Variants in DERL1 observed in about 807,000 individuals in gnomAD.
DERL1 encodes derlin 1.
A neutral mutation model predicts 41.6 loss-of-function variants in DERL1; 24 were observed. The ratio of observed to expected loss-of-function variants is 0.58; its 90% CI spans 0.42 to 0.81. The LOEUF is 0.81. DERL1 is among the 30% of genes least tolerant of loss of function. The pLI is 0.00. For missense variants in DERL1, 260 were observed against 314.3 expected (o/e 0.83, Z 1.31); for synonymous variants, 124 against 112.5 (o/e 1.10, Z -0.65).
intron 1 of DERL1, among the ~76,000 whole-genome samples, chr8:123,035,071 A>G (rs1812896552): frequency 6.6e-6 from 1 of 152,214 alleles, no homozygotes; most frequent in Non-Finnish European, 1.5e-5. Context: ...CCATATTCCT[A>G]TAAGTTACTC....
At chr8:123,022,578 G>GC (rs904973654) in intron 5 of DERL1, 106 bp downstream of exon 5, 2 of 1,059,568 alleles carry the variant, frequency 1.9e-6, no homozygotes, top group African/African-American at 3.1e-5. Flanking sequence ...ATGGTACACT[G>GC]CTCTGCAGTG....
chr8:123,022,283 G>A (rs948392842), intron 5 of DERL1, among the ~76,000 whole-genome samples: 3 of 152,212 alleles, frequency 2.0e-5, no homozygotes, highest in African/African-American at 7.2e-5. Context: ...GGAAAATTGT[G>A]AAAGAATGTA....
At chr8:123,024,652 CA>C (rs1195310679) in intron 3 of DERL1, among the ~76,000 whole-genome samples, 2 of 152,132 alleles carry the variant, frequency 1.3e-5, no homozygotes, top group African/African-American at 4.8e-5. Flanking sequence ...CCACAGATTT[CA>C]AAAGCTGTCT....
chr8:123,040,344 TGAA>T (rs1288023791), intron 1 of DERL1, among the ~76,000 whole-genome samples: 2 of 152,216 alleles, frequency 1.3e-5, no homozygotes, highest in African/African-American at 2.4e-5. Flanking sequence ...GGCAGAGATC[TGAA>T]GAAGGTTAGG....
chr8:123,031,975 G>A (rs1234230257), intron 1 of DERL1, among the ~76,000 whole-genome samples: 1 of 152,116 alleles, frequency 6.6e-6, no homozygotes, highest in African/African-American at 2.4e-5. Context: ...CTCCTAAAAA[G>A]TAGATGAATC....
chr8:123,030,884 C>T, intron 1 of DERL1, 168 bp from the exon 2 acceptor site: 1 of 597,828 alleles, frequency 1.7e-6, no homozygotes, highest in Non-Finnish European at 3.0e-6. Context: ...ACACCAAATA[C>T]AATCACATCA....
chr8:123,040,756 T>C (rs1813040012), intron 1 of DERL1, among the ~76,000 whole-genome samples: 1 of 152,118 alleles, frequency 6.6e-6, no homozygotes, highest in South Asian at 2.1e-4. Context: ...TGCTGACAGA[T>C]TGTGGGGTGT....
intron 1 of DERL1, among the ~76,000 whole-genome samples, chr8:123,034,862 A>T (rs1197826402): frequency 1.3e-5 from 2 of 152,248 alleles, no homozygotes; most frequent in Non-Finnish European, 2.9e-5. Flanking sequence ...AATTGGCTTC[A>T]TCATCTACCC....
At chr8:123,038,266 C>A (rs994729913) in intron 1 of DERL1, among the ~76,000 whole-genome samples, 1 of 152,224 alleles carries the variant, frequency 6.6e-6, no homozygotes, top group East Asian at 1.9e-4. Context: ...TCTAGCAGAA[C>A]TCTGCTAAAG....
chr8:123,024,229 C>A (rs1299661126), intron 3 of DERL1, among the ~76,000 whole-genome samples: 2 of 152,152 alleles, frequency 1.3e-5, no homozygotes, highest in Non-Finnish European at 2.9e-5. Context: ...ATGCCTGTAG[C>A]CTTTGAAGGA....
chr8:123,022,901 C>A lies in DERL1; in HGVS notation c.358-122G>T. On this transcript the variant is annotated intron_variant, in intron 4 of 7. Transcript: ENST00000259512. Reference sequence around the variant, plus strand: ...CTCACCTGGGTAAAGGGAAACTCAACTGATCAGAATTATAAATTGATCCTA... The same window carrying A: ...CTCACCTGGGTAAAGGGAAACTCAAATGATCAGAATTATAAATTGATCCTA... 4.6e-6 allele frequency: 3 copies of A among 658,482 alleles called. No individual in the cohort carries two copies. In the South Asian group the frequency reaches 5.7e-5, roughly 12 times the overall value. The allele number at this position is 658,482 out of a possible 1,614,324, so 40.8% of individuals were successfully genotyped here. A position where few individuals can be genotyped will look rare whatever the true frequency, so the allele number is the denominator to read the frequency against.
At position 123,020,823 on chromosome 8, in the gene DERL1, G is replaced by A. The variant is rs186366964; in HGVS notation, c.506+624C>T. 2.9e-3 allele frequency among the ~76,000 whole-genome samples: 425 copies of A among 145,546 alleles called. 4 individuals are homozygous for A. The highest frequency in any genetic ancestry group is 4.6e-3 in the Non-Finnish European group (304 of 66,226). On this transcript the variant is annotated intron_variant, in intron 6 of 7. Transcript: ENST00000259512. ...AAAAAAAAAAAAAAAAAAAATAGCC[G>A]GGCATGGAGGCGGGCGCCTGTAATC...
intron 5 of DERL1, among the ~76,000 whole-genome samples, chr8:123,022,036 G>A (rs547759369): frequency 6.6e-6 from 1 of 152,194 alleles, no homozygotes; most frequent in Non-Finnish European, 1.5e-5. Flanking sequence ...CCAAATCCAA[G>A]ACATCATACC....
chr8:123,026,270 T>C (rs1196973602), intron 2 of DERL1, among the ~76,000 whole-genome samples: 1 of 152,228 alleles, frequency 6.6e-6, no homozygotes, highest in Non-Finnish European at 1.5e-5. Context: ...CAGCTGAAAT[T>C]CTAACACAAT....
chr8:123,041,635 G>A (rs1232803129), intron 1 of DERL1, among the ~76,000 whole-genome samples: 1 of 152,198 alleles, frequency 6.6e-6, no homozygotes, highest in East Asian at 1.9e-4. Flanking sequence ...AATGCTCCAG[G>A]CGGACCTAAT....
chr8:123,041,117 TAA>T lies in DERL1; in HGVS notation c.153+851_153+852del, dbSNP rs540689535. Among the ~76,000 whole-genome samples the T allele has an allele frequency of 4.9e-3, 752 of 152,254 alleles. 5 individuals carry two copies. The highest frequency in any genetic ancestry group is 6.4e-3 in the Non-Finnish European group (432 of 68,022). On this transcript the variant is annotated intron_variant, in intron 1 of 7. Transcript: ENST00000259512. ...GATTCCCAAGGCACATCCTAACATT[TAA>T]AAGTCAGGAAGATAAGGAACCAGCA...
At chr8:123,036,242 G>C (rs1812925434) in intron 1 of DERL1, among the ~76,000 whole-genome samples, 1 of 152,074 alleles carries the variant, frequency 6.6e-6, no homozygotes, top group Admixed American at 6.6e-5. Context: ...CTGCCCAAAA[G>C]GTCCATTAAT....
intron 7 of DERL1, 107 bp from the exon 8 acceptor site, chr8:123,015,692 C>A: frequency 7.2e-7 from 1 of 1,396,804 alleles, no homozygotes; most frequent in Non-Finnish European, 9.4e-7. Flanking sequence ...TCCCATGGCA[C>A]TTGTCATGTT....
chr8:123,031,097 C>A (rs1290629280), intron 1 of DERL1, among the ~76,000 whole-genome samples: 6 of 152,162 alleles, frequency 3.9e-5, no homozygotes. Context: ...AAAGAATATT[C>A]TGGAATGACA....
Sources: allele counts gnomAD v4.1 joint callset (sites outside exome capture counted in the v4.1 genomes callset), GRCh38; gene constraint gnomAD v4.1.1; transcripts MANE v1.5; gene names NCBI Gene and HGNC (gene_info 2026-07-23, HGNC 2026-07-21).